Variants in FBLN7 observed in about 807,000 individuals in gnomAD.
FBLN7 encodes fibulin-7.
A neutral mutation model predicts 44.0 loss-of-function variants in FBLN7; 31 were observed. That is an observed-to-expected ratio of 0.70 (90% CI 0.53 to 0.95). The LOEUF (loss-of-function observed/expected upper bound fraction) is 0.95, where lower values mean the gene tolerates loss of function less well. Ranked by LOEUF, FBLN7 falls within the 40% of genes least tolerant of loss-of-function variation. FBLN7 has a pLI of 0.00. For synonymous variants in FBLN7, 262 were observed against 253.4 expected, an observed-to-expected ratio of 1.03 and a Z score of -0.32; for missense variants, 573 against 618.5, an observed-to-expected ratio of 0.93 and a Z score of 0.78.
chr2:112,242,438 C>T, the FBLN7 span, among the ~76,000 whole-genome samples: 1 of 152,172 alleles, frequency 6.6e-6, no homozygotes, highest in Non-Finnish European at 1.5e-5. Flanking sequence ...TGCAAGAGAC[C>T]TTCATGGCAT....
intron 5 of FBLN7, among the ~76,000 whole-genome samples, chr2:112,182,286 C>T (rs1028195193): frequency 1.3e-5 from 2 of 152,124 alleles, no homozygotes; most frequent in Admixed American, 6.5e-5. Flanking sequence ...GCTTTCCTGA[C>T]GGCTCAGTTT....
intron 1 of FBLN7, among the ~76,000 whole-genome samples, chr2:112,146,956 T>C (rs1238693822): frequency 6.6e-6 from 1 of 152,254 alleles, no homozygotes; most frequent in Admixed American, 6.5e-5. Context: ...GTTATTTGTC[T>C]GGCTAAGATT....
At chr2:112,228,473 G>A in the FBLN7 span, among the ~76,000 whole-genome samples, 2 of 151,006 alleles carry the variant, frequency 1.3e-5, no homozygotes, top group Non-Finnish European at 2.9e-5. Flanking sequence ...CTGCACTCCA[G>A]TCTGGCAACA....
chr2:112,187,133 G>A lies in FBLN7; in HGVS notation c.948-1G>A, dbSNP rs1683303691. ...GCCTCCATTTTGCCTCTCCGCTCCA[G>A]CCAGTGTGAGCGGAACCCCTGCCCC... On this transcript the variant is annotated splice_acceptor_variant, in intron 7 of 7. Transcript: ENST00000331203. LOFTEE classifies it high-confidence loss of function. The surrounding 1 kb of genome is among the most constrained non-coding windows in gnomAD (Gnocchi z 5.1). The A allele has an allele frequency of 6.2e-7, 1 of 1,613,398 alleles. No homozygotes were observed. The highest frequency in any genetic ancestry group is 1.1e-5 in the South Asian group (1 of 91,050).
At chr2:112,182,454 T>C (rs1245404586) in intron 5 of FBLN7, among the ~76,000 whole-genome samples, 1 of 152,230 alleles carries the variant, frequency 6.6e-6, no homozygotes, top group South Asian at 2.1e-4. Context: ...TGTTAACCCA[T>C]CCCTACTTTC....
At chr2:112,205,105 A>T in the FBLN7 span, among the ~76,000 whole-genome samples, 3 of 152,096 alleles carry the variant, frequency 2.0e-5, no homozygotes, top group Non-Finnish European at 2.9e-5. Context: ...ATAGAAATTA[A>T]ATTGGTGTCA....
downstream of FBLN7, chr2:112,190,149 T>A (rs559300672): frequency 3.9e-5 from 6 of 152,342 alleles, no homozygotes; most frequent in Admixed American, 3.9e-4. Context: ...CTCTATTTCT[T>A]ATAAATCTAG....
At chr2:112,191,934 C>T (rs954652412), downstream of FBLN7, among the ~76,000 whole-genome samples, 15 of 152,206 alleles carry the variant, frequency 9.9e-5, no homozygotes, top group African/African-American at 3.6e-4. Flanking sequence ...CACCCTATTT[C>T]CTGCTTCTCT....
intron 1 of FBLN7, among the ~76,000 whole-genome samples, chr2:112,141,299 A>G (rs1680636111): frequency 6.6e-6 from 1 of 152,210 alleles, no homozygotes; most frequent in South Asian, 2.1e-4. Context: ...ACCAGAAATG[A>G]GCGGAATAAA....
chr2:112,159,972 T>C (rs1681649186), intron 2 of FBLN7, 137 bp downstream of exon 2: 2 of 578,770 alleles, frequency 3.5e-6, no homozygotes. Context: ...TGGCCCCCCC[T>C]TTTTTATTTA....
At chr2:112,147,530 C>T (rs560644889) in intron 1 of FBLN7, among the ~76,000 whole-genome samples, 1 of 152,322 alleles carries the variant, frequency 6.6e-6, no homozygotes, top group Admixed American at 6.5e-5. Context: ...TCCAGGATCT[C>T]CTTCCCAGTC....
At chr2:112,197,270 CACACAGAGAGAGAGAGAGAG>C in the FBLN7 span, among the ~76,000 whole-genome samples, 1 of 126,280 alleles carries the variant, frequency 7.9e-6, no homozygotes, top group African/African-American at 3.1e-5. Context: ...CACACACACA[CACACAGAGAGAGAGAGAGAG>C]AGAGAGAGAG....
chr2:112,180,042 G>A (rs1347079420), intron 4 of FBLN7, among the ~76,000 whole-genome samples: 1 of 152,158 alleles, frequency 6.6e-6, no homozygotes, highest in Non-Finnish European at 1.5e-5. Context: ...TATCAAAGGA[G>A]TAAACAGACA....
the FBLN7 span, among the ~76,000 whole-genome samples, chr2:112,228,717 C>T: frequency 6.6e-6 from 1 of 151,874 alleles, no homozygotes; most frequent in Admixed American, 6.6e-5. Flanking sequence ...AAGCATGATC[C>T]ATAGAAGAGA....
chr2:112,243,771 A>G, the FBLN7 span, among the ~76,000 whole-genome samples: 2 of 152,168 alleles, frequency 1.3e-5, no homozygotes, highest in East Asian at 1.9e-4. Context: ...TCCTTTATAG[A>G]AAATGCTTAC....
intron 7 of FBLN7, among the ~76,000 whole-genome samples, chr2:112,186,136 C>T (rs117969964): frequency 6.6e-5 from 10 of 152,056 alleles, no homozygotes; most frequent in Non-Finnish European, 1.0e-4. Context: ...TGAAGTCACT[C>T]GGTGAAGGGA....
intron 4 of FBLN7, among the ~76,000 whole-genome samples, chr2:112,178,985 G>A (rs1334260650): frequency 3.3e-5 from 5 of 152,152 alleles, no homozygotes; most frequent in Non-Finnish European, 7.3e-5. Flanking sequence ...AAGTCCTGGC[G>A]AGAGCAACAG....
chr2:112,231,929 A>G, the FBLN7 span: 54 of 1,574,216 alleles, frequency 3.4e-5, no homozygotes, highest in Non-Finnish European at 4.6e-5. Flanking sequence ...TGTATGGTAA[A>G]ACTTACAAGG....
the FBLN7 span, among the ~76,000 whole-genome samples, chr2:112,218,613 A>G: frequency 6.6e-6 from 1 of 152,158 alleles, no homozygotes; most frequent in African/African-American, 2.4e-5. Flanking sequence ...GTATGAATCC[A>G]CTTATATATA....
Sources: allele counts gnomAD v4.1 joint callset (sites outside exome capture counted in the v4.1 genomes callset), GRCh38; gene constraint gnomAD v4.1.1; non-coding constraint Gnocchi (gnomAD v3.1); transcripts MANE v1.5; gene names NCBI Gene and HGNC (gene_info 2026-07-23, HGNC 2026-07-21).